Variants in ARHGEF4 observed in about 807,000 individuals in gnomAD.
The protein encoded by ARHGEF4 is APC-stimulated guanine nucleotide exchange factor 1.
Under a neutral mutation model 162.0 loss-of-function variants are expected in ARHGEF4, and 119 were observed. The ratio of observed to expected loss-of-function variants is 0.73; its 90% CI spans 0.63 to 0.86. The LOEUF (loss-of-function observed/expected upper bound fraction) is 0.86, where lower values mean the gene tolerates loss of function less well. ARHGEF4 is among the 40% of genes least tolerant of loss of function. The pLI, the probability that ARHGEF4 is intolerant of heterozygous loss-of-function variation, is 0.00. For missense variants in ARHGEF4, 2,488 were observed against 2,456.0 expected (o/e 1.01, Z -0.28); for synonymous variants, 1,014 against 979.9 (o/e 1.03, Z -0.65).
intron 4 of ARHGEF4, among the ~76,000 whole-genome samples, chr2:130,979,713 G>A (rs1356259932): frequency 1.5e-5 from 2 of 137,646 alleles, no homozygotes. Context: ...TCCAGCCTCG[G>A]TGACAAAGCA....
chr2:130,948,258 G>A (rs1195592658), intron 4 of ARHGEF4, among the ~76,000 whole-genome samples: 2 of 152,212 alleles, frequency 1.3e-5, no homozygotes, highest in Non-Finnish European at 2.9e-5. Flanking sequence ...GCTGGTGGAT[G>A]TGGTGGTTGT....
chr2:130,917,690 T>G (rs1198281361), intron 2 of ARHGEF4, among the ~76,000 whole-genome samples, 192 bp downstream of exon 2: 1 of 152,104 alleles, frequency 6.6e-6, no homozygotes, highest in Non-Finnish European at 1.5e-5. Context: ...GTTACCAAGC[T>G]AACAAGCCAG....
intron 4 of ARHGEF4, among the ~76,000 whole-genome samples, chr2:131,008,357 C>G (rs1175473496): frequency 2.6e-5 from 4 of 152,040 alleles, no homozygotes; most frequent in Non-Finnish European, 5.9e-5. Context: ...TAAAACTTTT[C>G]TTGAAGTATA....
At chr2:131,035,402 G>A in intron 5 of ARHGEF4, 1 of 828,628 alleles carries the variant, frequency 1.2e-6, no homozygotes. Context: ...CTGGTCCGGG[G>A]GTGTCGCCGA....
At chr2:130,906,332 T>G (rs1680809486) in intron 1 of ARHGEF4, among the ~76,000 whole-genome samples, 1 of 152,250 alleles carries the variant, frequency 6.6e-6, no homozygotes, top group South Asian at 2.1e-4. Flanking sequence ...AAACATACGT[T>G]GTATATATTA....
At chr2:130,971,655 CA>C (rs35136790) in intron 4 of ARHGEF4, among the ~76,000 whole-genome samples, 1,254 of 101,320 alleles carry the variant, frequency 0.012, 16 homozygotes, top group African/African-American at 0.046. Flanking sequence ...GAGACTGTCT[CA>C]AAAAAAAAAA....
chr2:130,970,661 T>G (rs1022926274), intron 4 of ARHGEF4, among the ~76,000 whole-genome samples: 2 of 152,158 alleles, frequency 1.3e-5, no homozygotes, highest in African/African-American at 4.8e-5. Context: ...ATTTGCATTT[T>G]CCTAGCAACT....
At chr2:130,942,902 A>G (rs1242640822) in intron 3 of ARHGEF4, among the ~76,000 whole-genome samples, 1 of 152,212 alleles carries the variant, frequency 6.6e-6, no homozygotes, top group Non-Finnish European at 1.5e-5. Flanking sequence ...GCACTTGAAA[A>G]TAATGGGTAT....
At chr2:130,962,020 C>A (rs893211166) in intron 4 of ARHGEF4, among the ~76,000 whole-genome samples, 1 of 152,174 alleles carries the variant, frequency 6.6e-6, no homozygotes, top group Non-Finnish European at 1.5e-5. Flanking sequence ...GCGGGCGGAT[C>A]ACGAGGTCAG....
At chr2:131,029,781 T>G (rs1689717452) in intron 5 of ARHGEF4, among the ~76,000 whole-genome samples, 1 of 152,118 alleles carries the variant, frequency 6.6e-6, no homozygotes, top group Non-Finnish European at 1.5e-5. Context: ...CTCAAACTCT[T>G]GAACTCAGGT....
chr2:131,035,329 G>C, intron 5 of ARHGEF4: 1 of 1,161,278 alleles, frequency 8.6e-7, no homozygotes. Context: ...GTTGCCACCC[G>C]CGGCCTCCGC....
chr2:130,878,507 C>G (rs912491795), intron 1 of ARHGEF4, among the ~76,000 whole-genome samples: 1 of 152,220 alleles, frequency 6.6e-6, no homozygotes, highest in Non-Finnish European at 1.5e-5. Context: ...TGTATCACAG[C>G]TGAGGACAGT....
chr2:131,006,339 CAG>C (rs1688112786), intron 4 of ARHGEF4, among the ~76,000 whole-genome samples: 1 of 152,214 alleles, frequency 6.6e-6, no homozygotes, highest in Admixed American at 6.5e-5. Context: ...CCTACAGAAA[CAG>C]ATAACAAATG....
At chr2:130,962,391 C>T (rs1684680909) in intron 4 of ARHGEF4, among the ~76,000 whole-genome samples, 2 of 152,084 alleles carry the variant, frequency 1.3e-5, no homozygotes, top group Admixed American at 1.3e-4. Flanking sequence ...ATTAAATACC[C>T]AGCAACACCA....
chr2:130,929,043 T>C (rs1273826190), intron 2 of ARHGEF4, among the ~76,000 whole-genome samples: 1 of 152,012 alleles, frequency 6.6e-6, no homozygotes, highest in Non-Finnish European at 1.5e-5. Flanking sequence ...TTCCCAGGAG[T>C]ATGGTCTATC....
chr2:130,850,441 C>T (rs1681328337), intron 1 of ARHGEF4, among the ~76,000 whole-genome samples: 1 of 152,208 alleles, frequency 6.6e-6, no homozygotes, highest in African/African-American at 2.4e-5. Context: ...GCTCTGCTCC[C>T]TCCATGAGCC....
At chr2:130,983,792 G>C (rs986370898) in intron 4 of ARHGEF4, among the ~76,000 whole-genome samples, 1 of 152,208 alleles carries the variant, frequency 6.6e-6, no homozygotes, top group South Asian at 2.1e-4. Context: ...TGGGACTACA[G>C]GCGTCCGCCA....
At chr2:130,887,333 A>G (rs1198021804) in intron 1 of ARHGEF4, among the ~76,000 whole-genome samples, 1 of 151,110 alleles carries the variant, frequency 6.6e-6, no homozygotes, top group African/African-American at 2.4e-5. Flanking sequence ...CCTGTCTCCA[A>G]AAAAAAAACA....
chr2:130,961,717 G>A (rs963840871), intron 4 of ARHGEF4, among the ~76,000 whole-genome samples: 1 of 152,040 alleles, frequency 6.6e-6, no homozygotes, highest in Non-Finnish European at 1.5e-5. Context: ...AGAGAGAAAC[G>A]GACAACTTGG....
Sources: allele counts gnomAD v4.1 joint callset (sites outside exome capture counted in the v4.1 genomes callset), GRCh38; gene constraint gnomAD v4.1.1; transcripts MANE v1.5; gene names NCBI Gene and HGNC (gene_info 2026-07-23, HGNC 2026-07-21).